Variants in KIAA1217 observed in about 807,000 individuals in gnomAD.
KIAA1217 encodes sickle tail protein homolog.
KIAA1217 carries 88 observed loss-of-function variants against 163.9 expected under a neutral mutation model. That is an observed-to-expected ratio of 0.54 (90% CI 0.45 to 0.64). The LOEUF (loss-of-function observed/expected upper bound fraction) is 0.64. Among genes scored for constraint, KIAA1217 ranks in the 30% least tolerant of loss-of-function variants. The pLI is 0.00. For synonymous variants in KIAA1217, 903 were observed against 923.1 expected (o/e 0.98, Z 0.39); for missense variants, 2,372 against 2,475.0 (o/e 0.96, Z 0.88).
At chr10:24,141,786 A>G (rs544899250) in intron 2 of KIAA1217, among the ~76,000 whole-genome samples, 1 of 152,210 alleles carries the variant, frequency 6.6e-6, no homozygotes, top group East Asian at 1.9e-4. Context: ...CCTGAACCCA[A>G]CCAGGTCATA....
intron 2 of KIAA1217, among the ~76,000 whole-genome samples, chr10:24,014,687 T>A (rs985834770): frequency 6.6e-6 from 1 of 152,164 alleles, no homozygotes; most frequent in African/African-American, 2.4e-5. Flanking sequence ...TGGAAAACTA[T>A]TTTTTAGTAT....
chr10:24,428,434 G>A (rs2059343558), intron 3 of KIAA1217, among the ~76,000 whole-genome samples: 1 of 152,184 alleles, frequency 6.6e-6, no homozygotes, highest in African/African-American at 2.4e-5. Context: ...GGGATGAGTG[G>A]AGAGGGGACA....
At chr10:23,826,817 C>T (rs1837921315) in intron 1 of KIAA1217, among the ~76,000 whole-genome samples, 1 of 152,202 alleles carries the variant, frequency 6.6e-6, no homozygotes, top group South Asian at 2.1e-4. Flanking sequence ...ATGCAATGTT[C>T]TGTTTCATGC....
At position 24,524,356 on chromosome 10, in the gene KIAA1217, C is replaced by G. The variant is rs138527418; in HGVS notation, c.2490C>G (p.Asp830Glu). The G allele has an allele frequency of 6.2e-7, 1 of 1,612,666 alleles. No homozygotes were observed. ...CTGATGGGCTCCTGAAAGGCACGGA[C>G]GCAGCCCAAGCCGCACAGTACATGG... ...HVTDGLLKGTDAAQAAQYMAM... is the reference protein window; with the variant it reads ...HVTDGLLKGTEAAQAAQYMAM... Residue 830 changes from aspartate (D) to glutamate (E), a missense_variant, in exon 13 of 21, where the codon GAC becomes GAG. By Grantham distance (45) the Asp-to-Glu change is conservative. This residue lies in a region of KIAA1217 where 1,431 missense variants were observed against 1,470.3 expected (regional missense o/e 0.97). Coordinates refer to ENST00000376454, the MANE Select transcript of KIAA1217 (RefSeq NM_019590.5).
intron 2 of KIAA1217, among the ~76,000 whole-genome samples, chr10:24,286,483 C>T (rs2078558643): frequency 6.6e-6 from 1 of 151,964 alleles, no homozygotes; most frequent in Non-Finnish European, 1.5e-5. Context: ...TACACATACA[C>T]ACACACATAC....
intron 1 of KIAA1217, among the ~76,000 whole-genome samples, chr10:23,704,521 G>A (rs1836751666): frequency 6.6e-6 from 1 of 151,828 alleles, no homozygotes; most frequent in African/African-American, 2.4e-5. Context: ...TGGATTTGCT[G>A]ATTTTGGACA....
At chr10:24,333,078 G>A (rs1405648573) in intron 2 of KIAA1217, among the ~76,000 whole-genome samples, 4 of 152,076 alleles carry the variant, frequency 2.6e-5, no homozygotes, top group Non-Finnish European at 4.4e-5. Context: ...CTGGAGCGGG[G>A]TGGTGTGATC....
intron 1 of KIAA1217, among the ~76,000 whole-genome samples, chr10:23,746,644 C>T (rs374194838): frequency 2.6e-5 from 4 of 151,918 alleles, no homozygotes; most frequent in East Asian, 1.9e-4. Context: ...AGGATGGTCC[C>T]GATCTCCTGA....
intron 2 of KIAA1217, among the ~76,000 whole-genome samples, chr10:24,197,852 C>A (rs1025551793): frequency 4.6e-5 from 7 of 152,356 alleles, no homozygotes; most frequent in Admixed American, 3.3e-4. Flanking sequence ...ATGGTGCTTG[C>A]AGGACACAGT....
At chr10:24,341,574 G>A (rs925787512) in intron 2 of KIAA1217, among the ~76,000 whole-genome samples, 9 of 152,126 alleles carry the variant, frequency 5.9e-5, no homozygotes, top group Admixed American at 5.9e-4. Context: ...TTATGAAGTT[G>A]AATCAGGGAA....
chr10:24,047,027 C>T (rs1390332949), intron 2 of KIAA1217, among the ~76,000 whole-genome samples: 1 of 152,130 alleles, frequency 6.6e-6, no homozygotes, highest in Non-Finnish European at 1.5e-5. Flanking sequence ...ATTTGTTGCC[C>T]AGGATTATTG....
chr10:24,087,413 G>T (rs981283548), intron 2 of KIAA1217, among the ~76,000 whole-genome samples: 2 of 152,108 alleles, frequency 1.3e-5, no homozygotes, highest in African/African-American at 4.8e-5. Context: ...GGTTTACTAA[G>T]AAATTATTTT....
At chr10:23,748,658 G>C (rs1380050240) in intron 1 of KIAA1217, among the ~76,000 whole-genome samples, 1 of 152,018 alleles carries the variant, frequency 6.6e-6, no homozygotes, top group African/African-American at 2.4e-5. Flanking sequence ...CCTGCAACCT[G>C]TGTTTTCAGA....
At chr10:24,434,800 T>G (rs1342539593) in intron 4 of KIAA1217, among the ~76,000 whole-genome samples, 1 of 152,250 alleles carries the variant, frequency 6.6e-6, no homozygotes, top group Non-Finnish European at 1.5e-5. Context: ...ATTTAGTGAC[T>G]AATCCAGCCA....
intron 1 of KIAA1217, among the ~76,000 whole-genome samples, chr10:23,981,700 AG>A (rs1464471580): frequency 1.3e-5 from 2 of 151,872 alleles, no homozygotes; most frequent in African/African-American, 4.8e-5. Flanking sequence ...TGTCAAGACC[AG>A]CCCTGTTTGT....
Position 24,546,005 on chromosome 10 carries a change from A to T in KIAA1217, c.5513A>T (p.Asn1838Ile), listed in dbSNP as rs745677339. 1.9e-6 allele frequency: 3 copies of T among 1,613,902 alleles called. No individual in the cohort carries two copies. Among genetic ancestry groups the T allele is most frequent in the Admixed American group, 3.3e-5 (2 of 59,972 alleles). Residue 1838 changes from asparagine (N) to isoleucine (I), a missense_variant, in exon 21 of 21, where the codon AAC becomes ATC. Physicochemically the swap from Asn to Ile is moderately radical, Grantham distance 149. This residue lies in a region of KIAA1217 where 690 missense variants were observed against 677.5 expected (regional missense o/e 1.02). Transcript: ENST00000376454. Reference sequence around the variant, plus strand: ...GCTACTAAACCATCGATTGCTTCTAACCCTCTCAGCCCCCAAACAGGACCA... The same window carrying T: ...GCTACTAAACCATCGATTGCTTCTATCCCTCTCAGCCCCCAAACAGGACCA... ...PPATKPSIAS[N>I]PLSPQTGPPA...
chr10:23,893,767 A>G (rs1305020257), intron 1 of KIAA1217, among the ~76,000 whole-genome samples: 1 of 152,120 alleles, frequency 6.6e-6, no homozygotes, highest in African/African-American at 2.4e-5. Context: ...CAAATCCAGC[A>G]GCACATCAAA....
chr10:23,844,718 T>A (rs76825145), intron 1 of KIAA1217, among the ~76,000 whole-genome samples: 1 of 151,986 alleles, frequency 6.6e-6, no homozygotes, highest in Non-Finnish European at 1.5e-5. Flanking sequence ...TTTTTTTTTT[T>A]AATTTGTGGC....
intron 1 of KIAA1217, among the ~76,000 whole-genome samples, chr10:23,866,056 C>T (rs577909382): frequency 1.3e-5 from 2 of 152,208 alleles, no homozygotes; most frequent in East Asian, 3.9e-4. Flanking sequence ...ATTTTATATA[C>T]TTGGAGATTC....
Sources: gnomAD v4.1 joint callset for allele counts (sites outside exome capture counted in the v4.1 genomes callset) on GRCh38, gnomAD v4.1.1 for gene constraint, gnomAD v4.1.1 regional missense constraint, MANE v1.5 for transcripts, NCBI Gene and HGNC (gene_info 2026-07-23, HGNC 2026-07-21) for gene names.